Variants in NR2E1 observed in about 807,000 individuals in gnomAD.
NR2E1 encodes the protein nuclear receptor subfamily 2 group E member 1.
NR2E1 carries 5 observed loss-of-function variants against 43.6 expected under a neutral mutation model. The observed-to-expected ratio is 0.11, with a 90% CI of 0.06 to 0.24. NR2E1 has a LOEUF of 0.24. Ranked by LOEUF, NR2E1 falls within the 10% of genes least tolerant of loss-of-function variation. NR2E1 has a pLI of 1.00. For synonymous variants in NR2E1, 191 were observed against 195.5 expected, an observed-to-expected ratio of 0.98 and a Z score of 0.19; for missense variants, 287 against 496.7, an observed-to-expected ratio of 0.58 and a Z score of 4.01.
intron 8 of NR2E1, among the ~76,000 whole-genome samples, chr6:108,186,395 A>G (rs1447425173): frequency 6.6e-6 from 1 of 152,210 alleles, no homozygotes; most frequent in Non-Finnish European, 1.5e-5. Flanking sequence ...GTTATCAGGC[A>G]GTTAAACACA....
chr6:108,176,861 G>T (rs1321353803), intron 4 of NR2E1, 123 bp downstream of exon 4: 10 of 934,282 alleles, frequency 1.1e-5, no homozygotes, highest in Non-Finnish European at 1.6e-5. Context: ...GGTGCTTGGC[G>T]GGTCTCTGCA....
rs1279935275 is a variant in NR2E1 at position 108,169,860 on chromosome 6, A to T, written c.26-1598A>T. Among the ~76,000 whole-genome samples, 1 of 150,238 alleles carries T rather than the reference A, an allele frequency of 6.7e-6. No individual in the cohort carries two copies. Among genetic ancestry groups the T allele is most frequent in the East Asian group, 2.0e-4 (1 of 5,076 alleles). ...TTGTCGCCGTCCGAATTCCCATGCT[A>T]CTCTTTTTGACGGGTCACTGGTGGC... On this transcript the variant is annotated intron_variant, in intron 1 of 8. Transcript: ENST00000368986. This position sits in a 1 kb window ranked among gnomAD's most constrained non-coding sequence, Gnocchi z 6.1.
chr6:108,178,028 A>G, intron 4 of NR2E1, 67 bp from the exon 5 acceptor site: 3 of 1,547,280 alleles, frequency 1.9e-6, no homozygotes, highest in Admixed American at 1.7e-5. Flanking sequence ...AGAAATTAAA[A>G]GTTTGGTTCT....
chr6:108,173,798 C>T (rs1000821992), intron 2 of NR2E1, among the ~76,000 whole-genome samples: 1 of 152,212 alleles, frequency 6.6e-6, no homozygotes, highest in Non-Finnish European at 1.5e-5. Flanking sequence ...CTTTATGTAT[C>T]TATGCATATG....
At position 108,166,812 on chromosome 6, in the gene NR2E1, G is replaced by A. The variant is rs780198860; in HGVS notation, c.25+22G>A. 3 of 1,588,272 alleles carry A rather than the reference G, an allele frequency of 1.9e-6. No homozygotes were observed. The highest frequency in any genetic ancestry group is 3.6e-5 in the Admixed American group (2 of 56,166). On this transcript the variant is annotated intron_variant, in intron 1 of 8. Coordinates refer to ENST00000368986, the MANE Select transcript of NR2E1 (RefSeq NM_003269.5). This position sits in a 1 kb window ranked among gnomAD's most constrained non-coding sequence, Gnocchi z 7.2. ...ACAAGTGGGTACCTCTCGGGCCGCC[G>A]TGGGGCCTAGGCGCGCAGCCTGGGG...
At position 108,178,079 on chromosome 6, in the gene NR2E1, T is replaced by C. The variant is rs217525; in HGVS notation, c.496-16T>C. Reference sequence around the variant, plus strand: ...GTTTCCTCACTTCCAGGTGTCTTTCTTTCTTCCCTACCCAGTACCCCCATG... The same window carrying C: ...GTTTCCTCACTTCCAGGTGTCTTTCCTTCTTCCCTACCCAGTACCCCCATG... On this transcript the variant is annotated splice_polypyrimidine_tract_variant and intron_variant, in intron 4 of 8. Transcript: ENST00000368986. 1.6e-3 allele frequency: 2,549 copies of C among 1,614,196 alleles called. 41 individuals carry two copies. The African/African-American group carries it at 0.03, about 19-fold the overall frequency.
intron 1 of NR2E1, chr6:108,168,022 G>A (rs1292092811): frequency 1.1e-5 from 17 of 1,590,470 alleles, no homozygotes; most frequent in Non-Finnish European, 1.4e-5. Flanking sequence ...AAAAGAAAAG[G>A]AGAAATGTTT....
intron 4 of NR2E1, among the ~76,000 whole-genome samples, chr6:108,177,175 C>T (rs907046201): frequency 6.6e-6 from 1 of 152,180 alleles, no homozygotes; most frequent in Non-Finnish European, 1.5e-5. Flanking sequence ...AGGAAGGGCT[C>T]CAGAATTCCA....
At chr6:108,174,810 C>T (rs376673747) in intron 2 of NR2E1, 26 bp from the exon 3 acceptor site, 72 of 1,606,516 alleles carry the variant, frequency 4.5e-5, no homozygotes, top group Admixed American at 6.7e-5. Context: ...CCCTGGGGAC[C>T]GCTGACCTCC....
chr6:108,185,409 T>TACACAC (rs3040212), intron 8 of NR2E1, among the ~76,000 whole-genome samples: 10,599 of 146,842 alleles, frequency 0.072, 489 homozygotes, highest in South Asian at 0.14. Flanking sequence ...CACACACACA[T>TACACAC]ACACACACAC....
rs1224615109 is a variant in NR2E1, at chr6:108,187,619, G to A, written c.*156G>A. The A allele has an allele frequency of 5.1e-6, 4 of 785,188 alleles. No individual in the cohort carries two copies. The highest frequency in any genetic ancestry group is 8.6e-6 in the Non-Finnish European group (4 of 465,960). 48.6% of individuals were successfully genotyped at this position (785,188 alleles called of 1,614,324 possible). A position where few individuals can be genotyped will look rare whatever the true frequency, so the allele number is the denominator to read the frequency against. On this transcript the variant is annotated 3_prime_UTR_variant, in exon 9 of 9. Transcript: ENST00000368986. Reference sequence around the variant, plus strand: ...CCAATTGACACAAAGCATTCCAGTAGCTATGACCTGCCGCCCTGACCAGGA... The same window carrying A: ...CCAATTGACACAAAGCATTCCAGTAACTATGACCTGCCGCCCTGACCAGGA...
chr6:108,185,222 C>A (rs1403961536), intron 8 of NR2E1, among the ~76,000 whole-genome samples: 1 of 152,204 alleles, frequency 6.6e-6, no homozygotes, highest in Non-Finnish European at 1.5e-5. Flanking sequence ...ACATTCCACA[C>A]AAACTATATT....
At chr6:108,184,071 A>G (rs1425965428) in intron 8 of NR2E1, among the ~76,000 whole-genome samples, 1 of 152,198 alleles carries the variant, frequency 6.6e-6, no homozygotes, top group Non-Finnish European at 1.5e-5. Flanking sequence ...GTGCACCTGT[A>G]GTCCCAGCTA....
In NR2E1 at chr6:108,180,132, C is replaced by T. The variant is rs952260676; in HGVS notation, c.643-191C>T. 1.1e-4 allele frequency among the ~76,000 whole-genome samples: 17 copies of T among 152,066 alleles called. No individual in the cohort carries two copies. The highest frequency in any genetic ancestry group is 3.1e-4 in the African/African-American group (13 of 41,402). On this transcript the variant is annotated intron_variant, in intron 5 of 8. Coordinates refer to ENST00000368986, the MANE Select transcript of NR2E1 (RefSeq NM_003269.5). This position sits in a 1 kb window ranked among gnomAD's most constrained non-coding sequence, Gnocchi z 5.4. ...AATTGGAATGGCTGACTCTCAAATC[C>T]ATATGCATATCTATAGGCACCTTTT...
At position 108,168,023 on chromosome 6, in the gene NR2E1, A is replaced by T. The variant is rs749799162; in HGVS notation, c.25+1233A>T. The T allele has an allele frequency of 1.6e-4, 260 of 1,591,270 alleles. 1 individual carries two copies. Among genetic ancestry groups the T allele is most frequent in the Non-Finnish European group, 1.7e-4 (202 of 1,169,842 alleles). ...AATGAACGTGAACAAAAAGAAAAGG[A>T]GAAATGTTTCGAGCTGGGGCAGAGG... On this transcript the variant is annotated intron_variant, in intron 1 of 8. Coordinates refer to ENST00000368986, the MANE Select transcript of NR2E1 (RefSeq NM_003269.5).
intron 5 of NR2E1, chr6:108,178,858 A>G (rs1269953158): frequency 1.2e-5 from 2 of 161,936 alleles, no homozygotes; most frequent in Non-Finnish European, 2.8e-5. Context: ...TGTAAATGAC[A>G]TTCAGGGGAA....
intron 2 of NR2E1, among the ~76,000 whole-genome samples, chr6:108,173,044 G>A (rs1002243627): frequency 6.6e-6 from 1 of 152,208 alleles, no homozygotes; most frequent in African/African-American, 2.4e-5. Context: ...TGTTGTGCTT[G>A]ATCTTTTAGA....
rs1773960464 is a variant in NR2E1 at position 108,180,072 on chromosome 6, G to A, written c.643-251G>A. 6.6e-6 allele frequency among the ~76,000 whole-genome samples: 1 copy of A among 152,108 alleles called. No homozygotes were observed. ...AATGGGTGGATACAAGGACAAGAGG[G>A]GCAAATCCTTTTCTGAGAGAAGGAA... On this transcript the variant is annotated intron_variant, in intron 5 of 8. Coordinates refer to ENST00000368986, the MANE Select transcript of NR2E1 (RefSeq NM_003269.5). This position sits in a 1 kb window ranked among gnomAD's most constrained non-coding sequence, Gnocchi z 5.4.
chr6:108,168,391 G>T (rs1244171350), intron 1 of NR2E1, among the ~76,000 whole-genome samples: 1 of 152,216 alleles, frequency 6.6e-6, no homozygotes, highest in Admixed American at 6.5e-5. Flanking sequence ...AGCCCCTGGG[G>T]CCCTTGAAAG....
Sources: gnomAD v4.1 joint callset for allele counts (sites outside exome capture counted in the v4.1 genomes callset) on GRCh38, gnomAD v4.1.1 for gene constraint, Gnocchi (gnomAD v3.1) non-coding constraint, MANE v1.5 for transcripts, NCBI Gene and HGNC (gene_info 2026-07-23, HGNC 2026-07-21) for gene names.